The following LRBA variants were observed in gnomAD, a reference collection of about 807,000 sequenced individuals.
The protein encoded by LRBA is lipopolysaccharide-responsive and beige-like anchor protein.
Under a neutral mutation model 330.0 loss-of-function variants are expected in LRBA, and 176 were observed. That is an observed-to-expected ratio of 0.53 (90% confidence interval 0.47 to 0.60). The LOEUF (loss-of-function observed/expected upper bound fraction) is 0.60, where lower values mean the gene tolerates loss of function less well. Ranked by LOEUF, LRBA falls within the 20% of genes least tolerant of loss-of-function variation. The pLI, the probability that LRBA is intolerant of heterozygous loss-of-function variation, is 0.00. For missense variants in LRBA, 3,259 were observed against 3,444.8 expected (o/e 0.95, Z 1.35); for synonymous variants, 1,230 against 1,193.0 (o/e 1.03, Z -0.64).
At chr4:150,837,018 G>T (rs1328307357) in intron 28 of LRBA, among the ~76,000 whole-genome samples, 1 of 152,150 alleles carries the variant, frequency 6.6e-6, no homozygotes, top group African/African-American at 2.4e-5. Context: ...TGGTTTCAAA[G>T]AACATCTTTA....
chr4:150,955,620 C>T (rs1313669615), intron 2 of LRBA, among the ~76,000 whole-genome samples: 1 of 147,138 alleles, frequency 6.8e-6, no homozygotes, highest in Non-Finnish European at 1.5e-5. Context: ...GGCCGGGCGC[C>T]GTGGCTCACA....
chr4:150,559,318 G>A (rs187918083), intron 40 of LRBA, among the ~76,000 whole-genome samples: 4 of 151,382 alleles, frequency 2.6e-5, no homozygotes, highest in East Asian at 1.9e-4. Flanking sequence ...ATCCCAGCAC[G>A]TTGGGAGGCC....
rs1341416379 is a variant in LRBA at position 150,852,550 on chromosome 4, T to A, written c.3160A>T (p.Ile1054Leu). 6.2e-7 allele frequency: 1 copy of A among 1,613,914 alleles called. No homozygotes were observed. The highest frequency in any genetic ancestry group is 2.2e-5 in the East Asian group (1 of 44,872). The change falls in exon 23 of 57, where the codon ATA becomes TTA. Residue 1054 changes from isoleucine to leucine, a missense_variant. Physicochemically the swap from Ile to Leu is conservative, Grantham distance 5. Transcript: ENST00000651943. ...NADDLEVSSD[I>L]IEAVAISSNS... is the part of the protein sequence containing the mutation. ...GAGGAAATAGCCACAGCTTCTATTA[T>A]GTCAGAAGATACTTCTAAATCATCT...
chr4:150,353,131 T>A (rs1737390524), intron 47 of LRBA, among the ~76,000 whole-genome samples: 1 of 152,126 alleles, frequency 6.6e-6, no homozygotes, highest in Non-Finnish European at 1.5e-5. Context: ...GCCGAAAAGC[T>A]CTACTATAAT....
At chr4:150,785,859 A>G (rs993401792) in intron 34 of LRBA, among the ~76,000 whole-genome samples, 12 of 152,228 alleles carry the variant, frequency 7.9e-5, no homozygotes, top group Non-Finnish European at 1.5e-4. Flanking sequence ...AAACAATTAG[A>G]GTAGTAATAC....
At chr4:150,460,368 C>T (rs1282656046) in intron 44 of LRBA, among the ~76,000 whole-genome samples, 1 of 151,668 alleles carries the variant, frequency 6.6e-6, no homozygotes, top group African/African-American at 2.4e-5. Context: ...GAAACAGAAA[C>T]ATATACTAAG....
chr4:150,508,731 CTG>C (rs1331138644), intron 40 of LRBA, among the ~76,000 whole-genome samples: 6 of 152,204 alleles, frequency 3.9e-5, no homozygotes, highest in African/African-American at 1.4e-4. Context: ...GAAGCAAAAA[CTG>C]AGAGAACTGA....
chr4:150,823,152 T>A (rs980926320), intron 30 of LRBA, among the ~76,000 whole-genome samples: 1 of 152,198 alleles, frequency 6.6e-6, no homozygotes, highest in Non-Finnish European at 1.5e-5. Context: ...TTGTTTTGAT[T>A]TGCATTTTTC....
At chr4:150,672,688 G>A (rs1186572706) in intron 37 of LRBA, among the ~76,000 whole-genome samples, 1 of 151,990 alleles carries the variant, frequency 6.6e-6, no homozygotes, top group Admixed American at 6.6e-5. Flanking sequence ...CTATAGGACT[G>A]GTTTAGCATG....
chr4:150,856,786 C>T (rs1751273478), intron 22 of LRBA, among the ~76,000 whole-genome samples: 1 of 152,092 alleles, frequency 6.6e-6, no homozygotes. Context: ...AAAGACTAGT[C>T]ATTAATCTTC....
At chr4:150,706,254 C>G (rs1451967404) in intron 36 of LRBA, among the ~76,000 whole-genome samples, 2 of 151,726 alleles carry the variant, frequency 1.3e-5, no homozygotes, top group Non-Finnish European at 3.0e-5. Context: ...TAGCTTGACA[C>G]TAGTATATGA....
Position 150,851,967 on chromosome 4 carries a change from T to C in LRBA, c.3743A>G (p.Asn1248Ser), listed in dbSNP as rs140860135. The change falls in exon 23 of 57, where the codon AAT (asparagine) becomes AGT (serine). Residue 1248 changes from asparagine (N) to serine (S), a missense_variant. Asn to Ser is a conservative substitution (Grantham distance 46). Transcript: ENST00000651943. ...EQKIAKLDVSNVATDTERLEL... is the reference protein window; with the variant it reads ...EQKIAKLDVSSVATDTERLEL... ...CAGCCTCTCAGTATCTGTAGCAACA[T>C]TGGAAACATCCAACTTCGCAATCTT... 1.5e-4 allele frequency: 238 copies of C among 1,614,146 alleles called. 1 individual carries two copies. In the African/African-American group the frequency reaches 1.7e-3, roughly 12 times the overall value.
intron 17 of LRBA, among the ~76,000 whole-genome samples, chr4:150,882,108 A>C (rs1199208260): frequency 6.6e-6 from 1 of 152,020 alleles, no homozygotes; most frequent in Admixed American, 6.6e-5. Flanking sequence ...AATCACAATA[A>C]TTTTTTCAAA....
Position 150,302,792 on chromosome 4 carries a change from C to T in LRBA, c.7850G>A (p.Gly2617Glu). 2 of 1,569,052 alleles carry T rather than the reference C, an allele frequency of 1.3e-6. No homozygotes were observed. ...GCCAAACACCACTTGGATCAATCTT[C>T]CTGTAATGCAAAACAATTTTCTTTA... ...KSFRVYSTDTGRLIQVVFGHW... is the reference protein window; with the variant it reads ...KSFRVYSTDTERLIQVVFGHW... Residue 2617 changes from glycine to glutamate, a missense_variant and splice_region_variant, in exon 53 of 57, where the codon GGA becomes GAA. By Grantham distance (98) the Gly-to-Glu change is moderately conservative (BLOSUM62 -2). Coordinates refer to ENST00000651943, the MANE Select transcript of LRBA (RefSeq NM_001364905.1).
intron 2 of LRBA, chr4:151,013,724 C>T (rs1745118570): frequency 7.3e-6 from 1 of 136,232 alleles, no homozygotes. Context: ...AAAAAGCATT[C>T]ATAGCTCATC....
intron 4 of LRBA, among the ~76,000 whole-genome samples, chr4:150,923,215 CA>C (rs1733510972): frequency 6.6e-6 from 1 of 151,780 alleles, no homozygotes. Context: ...ATACTTTCAC[CA>C]TTAAAATAGG....
intron 37 of LRBA, among the ~76,000 whole-genome samples, chr4:150,668,228 T>C (rs552091143): frequency 7.2e-5 from 11 of 152,220 alleles, no homozygotes; most frequent in Non-Finnish European, 1.0e-4. Flanking sequence ...ACCCAGTATG[T>C]GCCAATAGCT....
chr4:150,937,708 A>T (rs1735234434), intron 2 of LRBA, among the ~76,000 whole-genome samples: 1 of 152,138 alleles, frequency 6.6e-6, no homozygotes. Flanking sequence ...TCTATAGGTT[A>T]TACTTTAATG....
chr4:150,298,369 C>G (rs1196143849), intron 53 of LRBA, among the ~76,000 whole-genome samples: 1 of 151,814 alleles, frequency 6.6e-6, no homozygotes, highest in Non-Finnish European at 1.5e-5. Context: ...ATTCTAAATT[C>G]ATTAAAAAAA....
Sources: allele counts gnomAD v4.1 joint callset (sites outside exome capture counted in the v4.1 genomes callset), GRCh38; gene constraint gnomAD v4.1.1; transcripts MANE v1.5; gene names NCBI Gene and HGNC (gene_info 2026-07-23, HGNC 2026-07-21).